The following SNX10 variants were observed in gnomAD, a reference collection of about 807,000 sequenced individuals.
SNX10 encodes the protein sorting nexin 10, also known as sorting nexin-10.
Under a neutral mutation model 28.5 loss-of-function variants are expected in SNX10, and 25 were observed. The ratio of observed to expected loss-of-function variants is 0.88; its 90% confidence interval spans 0.64 to 1.22. The LOEUF (loss-of-function observed/expected upper bound fraction) is 1.22, where lower values mean the gene tolerates loss of function less well. SNX10 is among the 50% of genes most tolerant of loss of function. The probability of loss-of-function intolerance (pLI) is 0.00; values close to 1 mark genes in which losing one functional copy is unlikely to be tolerated. For synonymous variants in SNX10, 62 were observed against 81.4 expected (o/e 0.76, Z 1.28); for missense variants, 223 against 242.6 (o/e 0.92, Z 0.54).
At chr7:26,345,466 C>T (rs568500294) in intron 1 of SNX10, among the ~76,000 whole-genome samples, 97 of 152,316 alleles carry the variant, frequency 6.4e-4, no homozygotes, top group African/African-American at 2.2e-3. Flanking sequence ...TGGAAAGCTT[C>T]CTGCTGCTGC....
chr7:26,361,114 AT>A, intron 3 of SNX10, 53 bp downstream of exon 3: 1 of 1,519,922 alleles, frequency 6.6e-7, no homozygotes, highest in Non-Finnish European at 8.8e-7. Context: ...TATGGGATAC[AT>A]TTTATGGGAT....
chr7:26,358,596 G>A (rs1788920554), intron 2 of SNX10, among the ~76,000 whole-genome samples: 1 of 151,796 alleles, frequency 6.6e-6, no homozygotes, highest in African/African-American at 2.4e-5. Flanking sequence ...AAAATTAGCT[G>A]GGCATGGTGG....
intron 2 of SNX10, chr7:26,357,156 G>A (rs1475715266): frequency 2.2e-6 from 1 of 454,574 alleles, no homozygotes; most frequent in Non-Finnish European, 3.6e-6. Context: ...AGTAGGATGT[G>A]GTGAGTAGGG....
intron 1 of SNX10, among the ~76,000 whole-genome samples, chr7:26,331,775 C>G (rs962930241): frequency 2.6e-4 from 39 of 152,192 alleles, no homozygotes; most frequent in African/African-American, 8.9e-4. Flanking sequence ...AGTCCCAGTC[C>G]CAGTAGCTAC....
chr7:26,365,232 C>T, intron 5 of SNX10, 87 bp downstream of exon 5: 1 of 786,594 alleles, frequency 1.3e-6, no homozygotes, highest in Non-Finnish European at 2.2e-6. Context: ...GAAGAGTGTT[C>T]CTGTTTCTGA....
In SNX10 at chr7:26,372,003, AAG is replaced by A. The variant is rs1160895390; in HGVS notation, c.496_497del (p.Glu166LysfsTer2). On this transcript the variant is annotated frameshift_variant, in exon 6 of 7. Transcript: ENST00000338523. LOFTEE classifies it high-confidence loss of function. The stretch of plus-strand genomic sequence containing the variant: ...CCTGAAGAAGATGAAGAAGGAAAAA[AAG>A]AAAATGATATAGATTATGATTCAGA... 4 of 1,610,730 alleles carry A rather than the reference AAG, an allele frequency of 2.5e-6. No homozygotes were observed. The African/African-American group carries it at 5.3e-5, about 22-fold the overall frequency.
At chr7:26,299,876 A>G (rs549150655) in intron 1 of SNX10, among the ~76,000 whole-genome samples, 27 of 152,064 alleles carry the variant, frequency 1.8e-4, no homozygotes, top group African/African-American at 6.5e-4. Context: ...AGCCTGGGCA[A>G]CATAGTGAGA....
rs1437079540 is a variant in SNX10 at position 26,291,912 on chromosome 7, G to GGA, written c.-197_-196insAG. 4.6e-5 allele frequency: 7 copies of GGA among 150,836 alleles called. No homozygotes were observed. Among genetic ancestry groups the GGA allele is most frequent in the Admixed American group, 1.3e-4 (2 of 15,090 alleles). The allele number at this position is 150,836 out of a possible 1,614,324, so 9.3% of individuals were successfully genotyped here. On this transcript the variant is annotated 5_prime_UTR_variant, in exon 1 of 7. Transcript: ENST00000338523. ...CGGCTGGCGCTGAGCGCGGGCGCGG[G>GGA]GCCGCTACGTGCGCGGGGAGCGCGG...
At chr7:26,361,711 CT>C (rs1789077063) in intron 3 of SNX10, among the ~76,000 whole-genome samples, 1 of 152,224 alleles carries the variant, frequency 6.6e-6, no homozygotes, top group African/African-American at 2.4e-5. Context: ...CATACAGTTT[CT>C]GTCGAGACTA....
At chr7:26,317,964 A>C (rs1787156355) in intron 1 of SNX10, among the ~76,000 whole-genome samples, 1 of 152,040 alleles carries the variant, frequency 6.6e-6, no homozygotes, top group Non-Finnish European at 1.5e-5. Flanking sequence ...CCCGGCTTTC[A>C]TGGTGATCTT....
At chr7:26,322,508 G>A (rs1186664101) in intron 1 of SNX10, among the ~76,000 whole-genome samples, 1 of 152,078 alleles carries the variant, frequency 6.6e-6, no homozygotes, top group African/African-American at 2.4e-5. Flanking sequence ...TAAAAACTTG[G>A]TCATAGACCT....
chr7:26,365,217 G>A, intron 5 of SNX10, 72 bp downstream of exon 5: 1 of 854,188 alleles, frequency 1.2e-6, no homozygotes, highest in South Asian at 1.4e-5. Context: ...GCATGGTGGT[G>A]TGGGGAAGAG....
At chr7:26,293,869 AT>A (rs1017831030) in intron 1 of SNX10, among the ~76,000 whole-genome samples, 4 of 152,342 alleles carry the variant, frequency 2.6e-5, no homozygotes, top group Admixed American at 6.5e-5. Flanking sequence ...ATTAAAAAAA[AT>A]AAAAGTATGT....
chr7:26,298,635 C>T (rs1352674327), intron 1 of SNX10, among the ~76,000 whole-genome samples: 1 of 152,132 alleles, frequency 6.6e-6, no homozygotes, highest in African/African-American at 2.4e-5. Context: ...GAAGTTGCTC[C>T]AAATGAGCCA....
intron 1 of SNX10, among the ~76,000 whole-genome samples, chr7:26,292,778 G>C (rs959666658): frequency 6.6e-6 from 1 of 152,210 alleles, no homozygotes; most frequent in African/African-American, 2.4e-5. Flanking sequence ...AATTAGAACG[G>C]GGAGGAGGCT....
chr7:26,317,024 C>T lies in SNX10; in HGVS notation c.-24+24938C>T, dbSNP rs2391268. Among the ~76,000 whole-genome samples, 865 of 152,212 alleles carry T rather than the reference C, an allele frequency of 5.7e-3. 4 individuals carry two copies. Among genetic ancestry groups the T allele is most frequent in the Non-Finnish European group, 8.8e-3 (599 of 68,012 alleles). ...GTTACATACCTGATACTACCAAGATCGAGGCCGGAGATGCTAAATAAACAA... is the reference window on the plus strand; with the variant it reads ...GTTACATACCTGATACTACCAAGATTGAGGCCGGAGATGCTAAATAAACAA... On this transcript the variant is annotated intron_variant, in intron 1 of 6. Transcript: ENST00000338523.
At chr7:26,302,851 C>A (rs1343602231) in intron 1 of SNX10, among the ~76,000 whole-genome samples, 1 of 152,112 alleles carries the variant, frequency 6.6e-6, no homozygotes, top group Non-Finnish European at 1.5e-5. Flanking sequence ...GAGTTTGAGA[C>A]CAGCATGGCC....
intron 1 of SNX10, among the ~76,000 whole-genome samples, chr7:26,313,803 T>G (rs955947808): frequency 2.0e-5 from 3 of 152,138 alleles, no homozygotes; most frequent in African/African-American, 7.2e-5. Context: ...ATTTCTTTTT[T>G]CTTTTTCTTT....
At chr7:26,341,194 G>A (rs952079085) in intron 1 of SNX10, among the ~76,000 whole-genome samples, 5 of 152,174 alleles carry the variant, frequency 3.3e-5, no homozygotes, top group Non-Finnish European at 7.3e-5. Context: ...GGCTGCTAGG[G>A]AGGCTGAGGT....
Sources: gnomAD v4.1 joint callset for allele counts (sites outside exome capture counted in the v4.1 genomes callset) on GRCh38, gnomAD v4.1.1 for gene constraint, MANE v1.5 for transcripts, NCBI Gene and HGNC (gene_info 2026-07-23, HGNC 2026-07-21) for gene names.